Variants in SYT2 observed in about 807,000 individuals in gnomAD.
SYT2 encodes synaptotagmin-2.
Under a neutral mutation model 39.9 loss-of-function variants are expected in SYT2, and 15 were observed. That is an observed-to-expected ratio of 0.38 (90% CI 0.25 to 0.58). The LOEUF (loss-of-function observed/expected upper bound fraction) is 0.58. SYT2 is among the 20% of genes least tolerant of loss of function. SYT2 has a pLI of 0.70. For missense variants in SYT2, 389 were observed against 530.3 expected, an observed-to-expected ratio of 0.73 and a Z score of 2.62; for synonymous variants, 181 against 204.5, an observed-to-expected ratio of 0.89 and a Z score of 0.98.
chr1:202,610,508 A>G (rs1447988017), intron 1 of SYT2, among the ~76,000 whole-genome samples: 1 of 152,248 alleles, frequency 6.6e-6, no homozygotes, highest in East Asian at 1.9e-4. Context: ...AAGGGTATTC[A>G]GTTAGGACAA....
At chr1:202,617,033 G>T (rs1342249595) in intron 1 of SYT2, among the ~76,000 whole-genome samples, 1 of 152,216 alleles carries the variant, frequency 6.6e-6, no homozygotes, top group African/African-American at 2.4e-5. Flanking sequence ...CAGGGAGACA[G>T]GCCGAAAGCC....
chr1:202,702,820 T>C (rs1654154042), intron 1 of SYT2, among the ~76,000 whole-genome samples: 1 of 152,214 alleles, frequency 6.6e-6, no homozygotes. Flanking sequence ...ATTTGTTAAA[T>C]GGGCTTTTCT....
intron 1 of SYT2, chr1:202,630,321 A>G: frequency 3.1e-6 from 3 of 964,694 alleles, no homozygotes; most frequent in East Asian, 2.3e-4. Flanking sequence ...GTGCTGGAGG[A>G]CACATGGGGA....
intron 1 of SYT2, among the ~76,000 whole-genome samples, chr1:202,706,372 T>C (rs1255044381): frequency 6.6e-6 from 1 of 151,780 alleles, no homozygotes; most frequent in Non-Finnish European, 1.5e-5. Context: ...GACAGTGTTG[T>C]GTGTGTGGGC....
At chr1:202,709,721 T>C (rs1489275507) in intron 1 of SYT2, among the ~76,000 whole-genome samples, 1 of 152,110 alleles carries the variant, frequency 6.6e-6, no homozygotes. Context: ...CCCTGCAGTC[T>C]GTCTCCCCAA....
intron 1 of SYT2, among the ~76,000 whole-genome samples, chr1:202,626,320 C>T (rs1691403264): frequency 6.7e-6 from 1 of 150,206 alleles, no homozygotes; most frequent in Admixed American, 6.6e-5. Flanking sequence ...CTGAAAGAGG[C>T]ATCAAGAGAC....
At chr1:202,617,332 T>G (rs774002815) in intron 1 of SYT2, among the ~76,000 whole-genome samples, 48 of 151,946 alleles carry the variant, frequency 3.2e-4, no homozygotes, top group African/African-American at 1.2e-4. Flanking sequence ...TGATAGTGAG[T>G]TCTCATGAGA....
chr1:202,682,957 A>C (rs994277469), intron 1 of SYT2, among the ~76,000 whole-genome samples: 1 of 152,220 alleles, frequency 6.6e-6, no homozygotes, highest in African/African-American at 2.4e-5. Flanking sequence ...TAGTAGCTTC[A>C]ATAAAGGATA....
intron 1 of SYT2, among the ~76,000 whole-genome samples, chr1:202,643,121 T>C (rs1691968303): frequency 6.6e-6 from 1 of 152,238 alleles, no homozygotes; most frequent in Non-Finnish European, 1.5e-5. Flanking sequence ...TACCCCGCAG[T>C]GAGCACCAAG....
In SYT2 at chr1:202,622,967, C is replaced by T. The variant is rs189718254; in HGVS notation, c.-17-17178G>A. On this transcript the variant is annotated intron_variant, in intron 1 of 8. Transcript: ENST00000367268. ...CTTACCTCCATCACACAAACAACACCGCTAAATGGTGGCAGCCCTGCCTGA... is the reference window on the plus strand; with the variant it reads ...CTTACCTCCATCACACAAACAACACTGCTAAATGGTGGCAGCCCTGCCTGA... Among the ~76,000 whole-genome samples the T allele has an allele frequency of 1.4e-3, 206 of 152,302 alleles. 2 individuals are homozygous for T. The highest frequency in any genetic ancestry group is 4.7e-3 in the African/African-American group (196 of 41,566).
In SYT2 at chr1:202,690,351, T is replaced by C. The variant is rs529315369; in HGVS notation, c.-18+19907A>G. 2.7e-3 allele frequency among the ~76,000 whole-genome samples: 415 copies of C among 152,330 alleles called. 3 individuals are homozygous for C. Among genetic ancestry groups the C allele is most frequent in the African/African-American group, 9.6e-3 (399 of 41,564 alleles). Reference sequence around the variant, plus strand: ...CTTTATCAAGTTTGACAAGCATGCATGGCAGCAGGTTGATGTAGCAGAGGT... The same window carrying C: ...CTTTATCAAGTTTGACAAGCATGCACGGCAGCAGGTTGATGTAGCAGAGGT... On this transcript the variant is annotated intron_variant, in intron 1 of 8. Transcript: ENST00000367268.
chr1:202,649,409 G>A lies in SYT2; in HGVS notation c.-17-43620C>T, dbSNP rs180966077. On this transcript the variant is annotated intron_variant, in intron 1 of 8. Coordinates refer to ENST00000367268, the MANE Select transcript of SYT2 (RefSeq NM_177402.5). ...TGACAGCAATGGTGATAGGAAGCAC[G>A]AATTCATGCTTACTATGTGCCAGGT... Among the ~76,000 whole-genome samples, 10 of 152,322 alleles carry A rather than the reference G, an allele frequency of 6.6e-5. No individual in the cohort carries two copies. The East Asian group carries it at 1.5e-3, about 23-fold the overall frequency.
chr1:202,685,840 T>C (rs1463959024), intron 1 of SYT2, among the ~76,000 whole-genome samples: 2 of 152,102 alleles, frequency 1.3e-5, no homozygotes, highest in Non-Finnish European at 2.9e-5. Context: ...CTCACATTGC[T>C]AGAAGGCATG....
At chr1:202,685,213 TATTCATC>T (rs1470804038) in intron 1 of SYT2, among the ~76,000 whole-genome samples, 1 of 152,154 alleles carries the variant, frequency 6.6e-6, no homozygotes, top group Non-Finnish European at 1.5e-5. Context: ...ACCTGGCTGG[TATTCATC>T]ATTCTCTTGG....
intron 1 of SYT2, among the ~76,000 whole-genome samples, chr1:202,667,791 C>A (rs1259335121): frequency 6.6e-6 from 1 of 152,022 alleles, no homozygotes; most frequent in Non-Finnish European, 1.5e-5. Flanking sequence ...TGGCTCATTG[C>A]AACCTCTGCC....
intron 1 of SYT2, among the ~76,000 whole-genome samples, chr1:202,642,650 G>C (rs551859988): frequency 6.6e-6 from 1 of 152,326 alleles, no homozygotes; most frequent in South Asian, 2.1e-4. Flanking sequence ...AACCCTGGAC[G>C]GCTGCGGCAA....
At position 202,626,523 on chromosome 1, in the gene SYT2, G is replaced by A. The variant is rs531946528; in HGVS notation, c.-17-20734C>T. 1.0e-4 allele frequency among the ~76,000 whole-genome samples: 15 copies of A among 149,030 alleles called. No homozygotes were observed. In the South Asian group the frequency reaches 2.0e-3, roughly 20 times the overall value. On this transcript the variant is annotated intron_variant, in intron 1 of 8. Coordinates refer to ENST00000367268, the MANE Select transcript of SYT2 (RefSeq NM_177402.5). ...CCCACGAGTAGCTGGGACTACAGGC[G>A]TACCACCATGCCCGGCTCTTTTTTG...
In SYT2 at chr1:202,599,445, A is replaced by AG; in HGVS notation, c.920-95dup. 7.1e-7 allele frequency: 1 copy of AG among 1,408,978 alleles called. No individual in the cohort carries two copies. The highest frequency in any genetic ancestry group is 9.5e-7 in the Non-Finnish European group (1 of 1,055,302). 87.3% of individuals were successfully genotyped at this position (1,408,978 alleles called of 1,614,324 possible). A position where few individuals can be genotyped will look rare whatever the true frequency, so the allele number is the denominator to read the frequency against. On this transcript the variant is annotated intron_variant, in intron 7 of 8. Transcript: ENST00000367268. This position sits in a 1 kb window ranked among gnomAD's most constrained non-coding sequence, Gnocchi z 4.4. ...AGGCCTGCCCAGAGCATCGGTCAAG[A>AG]GGGGGTCTTCACTCCGCTGAGACCA...
At chr1:202,637,516 G>A (rs957871812) in intron 1 of SYT2, among the ~76,000 whole-genome samples, 3 of 152,248 alleles carry the variant, frequency 2.0e-5, no homozygotes, top group African/African-American at 7.2e-5. Flanking sequence ...ATGGGGGACA[G>A]GCTGCAATCT....
Sources: allele counts gnomAD v4.1 joint callset (sites outside exome capture counted in the v4.1 genomes callset), GRCh38; gene constraint gnomAD v4.1.1; non-coding constraint Gnocchi (gnomAD v3.1); transcripts MANE v1.5; gene names NCBI Gene and HGNC (gene_info 2026-07-23, HGNC 2026-07-21).